GLI3: variants seen among roughly 807,000 people sequenced by gnomAD.
GLI3 encodes transcription activator GLI3.
Under a neutral mutation model 100.8 loss-of-function variants are expected in GLI3, and 20 were observed. The observed-to-expected ratio is 0.20, with a 90% CI of 0.14 to 0.29. GLI3 has a LOEUF of 0.29. Among genes scored for constraint, GLI3 ranks in the 10% least tolerant of loss-of-function variants. The pLI is 1.00. For missense variants in GLI3, 2,040 were observed against 2,128.5 expected (o/e 0.96, Z 0.82); for synonymous variants, 938 against 860.5 (o/e 1.09, Z -1.58).
chr7:42,141,060 A>T (rs925890103), intron 3 of GLI3, among the ~76,000 whole-genome samples: 2 of 152,208 alleles, frequency 1.3e-5, no homozygotes, highest in East Asian at 3.8e-4. Context: ...AAGCAACTGG[A>T]TTCATGATCC....
rs1416110645 is a variant in GLI3 at position 41,965,731 on chromosome 7, G to A, written c.3342C>T (p.Ser1114=). The A allele has an allele frequency of 1.9e-6, 3 of 1,613,632 alleles. No homozygotes were observed. Among genetic ancestry groups the A allele is most frequent in the East Asian group, 4.5e-5 (2 of 44,836 alleles). ...GCACTTTGCTGTCGTCCGGGAGGGC[G>A]CTGGGGAAGTGCTGCTCGTACCCTG... The part of the protein sequence containing the change: ...NQAGYEQHFP[S]ALPDDSKVPH... Residue 1114 remains serine (S), a synonymous_variant, in exon 15 of 15, where the codon AGC becomes AGT. Coordinates refer to ENST00000395925, the MANE Select transcript of GLI3 (RefSeq NM_000168.6).
At chr7:42,240,734 G>A (rs1458825318), upstream of GLI3, among the ~76,000 whole-genome samples, 1 of 152,104 alleles carries the variant, frequency 6.6e-6, no homozygotes, top group South Asian at 2.1e-4. Context: ...ATCATATTCT[G>A]AGGTTCCTAG....
chr7:42,229,999 A>G (rs577590386), intron 1 of GLI3, among the ~76,000 whole-genome samples: 1 of 143,768 alleles, frequency 7.0e-6, no homozygotes, highest in South Asian at 2.2e-4. Flanking sequence ...TCAATTAGAT[A>G]TGCATAACCT....
chr7:42,191,252 G>A (rs1427904924), intron 2 of GLI3, among the ~76,000 whole-genome samples: 1 of 152,132 alleles, frequency 6.6e-6, no homozygotes, highest in African/African-American at 2.4e-5. Context: ...TAGCCATAAA[G>A]TTGAAAATAA....
rs1424049090 is a variant in GLI3, at chr7:42,048,507, C to A, written c.663G>T (p.Gly221=). The change falls in exon 5 of 15, where the codon GGG becomes GGT. Residue 221 remains glycine, a synonymous_variant. Coordinates refer to ENST00000395925, the MANE Select transcript of GLI3 (RefSeq NM_000168.6). ...PSLSMISATR[G]LSPTDAPHAG... Reference sequence around the variant, plus strand: ...TGGACTTACCATCTGTAGGGCTCAGCCCACGGGTTGCTGAGATCATGGAGA... The same window carrying A: ...TGGACTTACCATCTGTAGGGCTCAGACCACGGGTTGCTGAGATCATGGAGA... The A allele has an allele frequency of 6.2e-7, 1 of 1,612,328 alleles. No homozygotes were observed. The highest frequency in any genetic ancestry group is 1.3e-5 in the African/African-American group (1 of 74,822).
intron 13 of GLI3, 133 bp from the exon 14 acceptor site, chr7:41,968,056 T>C (rs915273154): frequency 6.0e-6 from 5 of 826,514 alleles, no homozygotes; most frequent in East Asian, 2.5e-5. Context: ...AACTATGTTC[T>C]GGTGAATGGA....
intron 2 of GLI3, among the ~76,000 whole-genome samples, chr7:42,166,629 C>G (rs1335064337): frequency 7.2e-6 from 1 of 139,776 alleles, no homozygotes; most frequent in Non-Finnish European, 1.5e-5. Flanking sequence ...TGGCAGCATT[C>G]TGCCAGCCTG....
intron 4 of GLI3, among the ~76,000 whole-genome samples, chr7:42,057,181 G>A (rs1238497494): frequency 6.6e-6 from 1 of 152,214 alleles, no homozygotes; most frequent in East Asian, 1.9e-4. Context: ...TAAAAATCAT[G>A]TATTTTGAAT....
rs374430332 is a variant in GLI3, at chr7:42,035,696, G to A, written c.1028+4342C>T. On this transcript the variant is annotated intron_variant, in intron 7 of 14. Coordinates refer to ENST00000395925, the MANE Select transcript of GLI3 (RefSeq NM_000168.6). ...TTGCCGGAAGACTACAGAAGAAGGG[G>A]GTCATTTTAAACACCTTCTCTTCCA... is the stretch of plus-strand genomic sequence containing the variant. 3.8e-4 allele frequency among the ~76,000 whole-genome samples: 58 copies of A among 152,170 alleles called. 1 individual carries two copies. In the East Asian group the frequency reaches 6.4e-3, roughly 17 times the overall value.
At chr7:42,131,416 T>C (rs1786272626) in intron 3 of GLI3, among the ~76,000 whole-genome samples, 1 of 152,170 alleles carries the variant, frequency 6.6e-6, no homozygotes, top group African/African-American at 2.4e-5. Context: ...AGAGTAAGTG[T>C]AGATAAAGCA....
chr7:42,005,032 C>A (rs2299144), intron 10 of GLI3, among the ~76,000 whole-genome samples: 3 of 152,024 alleles, frequency 2.0e-5, no homozygotes, highest in Admixed American at 6.5e-5. Context: ...TTACACACAA[C>A]GATTCAGTGA....
intron 2 of GLI3, among the ~76,000 whole-genome samples, chr7:42,184,160 T>C (rs1022121064): frequency 6.6e-6 from 1 of 152,234 alleles, no homozygotes; most frequent in African/African-American, 2.4e-5. Flanking sequence ...CGCTCCCCTC[T>C]GCTCTACCTC....
intron 2 of GLI3, among the ~76,000 whole-genome samples, chr7:42,164,118 GA>G (rs2128672496): frequency 6.6e-6 from 1 of 152,250 alleles, no homozygotes; most frequent in African/African-American, 2.4e-5. Context: ...TGGCTGAGTA[GA>G]AAAAATAATC....
intron 2 of GLI3, among the ~76,000 whole-genome samples, chr7:42,176,522 G>A (rs760134067): frequency 1.2e-4 from 18 of 152,146 alleles, no homozygotes; most frequent in Non-Finnish European, 2.4e-4. Flanking sequence ...GCCCAGAGAG[G>A]CACAAGCCCA....
At chr7:41,967,388 A>ATT (rs34658310) in intron 14 of GLI3, among the ~76,000 whole-genome samples, 5 of 151,902 alleles carry the variant, frequency 3.3e-5, no homozygotes, top group Non-Finnish European at 7.4e-5. Context: ...GCACAGTCAC[A>ATT]TTTTTTTCTC....
At chr7:42,138,585 T>C (rs1015482212) in intron 3 of GLI3, among the ~76,000 whole-genome samples, 3 of 152,160 alleles carry the variant, frequency 2.0e-5, no homozygotes, top group African/African-American at 7.2e-5. Context: ...GAGGAGGGAA[T>C]AAATTTCTTA....
chr7:42,248,794 A>G (rs1330360043), intron 1 of GLI3, among the ~76,000 whole-genome samples: 1 of 150,976 alleles, frequency 6.6e-6, no homozygotes, highest in Non-Finnish European at 1.5e-5. Context: ...ATTTTTATTC[A>G]TTTATTTTTT....
intron 3 of GLI3, among the ~76,000 whole-genome samples, chr7:42,104,823 G>A (rs975229761): frequency 4.6e-5 from 7 of 152,140 alleles, no homozygotes; most frequent in Admixed American, 2.6e-4. Flanking sequence ...GTTCCACCAC[G>A]TGAGGACACA....
intron 2 of GLI3, among the ~76,000 whole-genome samples, chr7:42,158,243 C>G (rs1391707409): frequency 1.4e-4 from 21 of 152,180 alleles, no homozygotes; most frequent in Admixed American, 1.3e-3. Context: ...GCTCCACATG[C>G]GTTAATCCCA....
Sources: allele counts gnomAD v4.1 joint callset (sites outside exome capture counted in the v4.1 genomes callset), GRCh38; gene constraint gnomAD v4.1.1; transcripts MANE v1.5; gene names NCBI Gene and HGNC (gene_info 2026-07-23, HGNC 2026-07-21).